SLC1A6: variants seen among roughly 807,000 people sequenced by gnomAD.
The protein encoded by SLC1A6 is solute carrier family 1 member 6, also known as excitatory amino acid transporter 4.
In SLC1A6, 15 loss-of-function variants were observed where a neutral mutation model predicts 42.1. That is an observed-to-expected ratio of 0.36 (90% CI 0.24 to 0.55). The LOEUF is 0.55. Ranked by LOEUF, SLC1A6 falls within the 20% of genes least tolerant of loss-of-function variation. The probability of loss-of-function intolerance (pLI) is 0.88; values close to 1 mark genes in which losing one functional copy is unlikely to be tolerated. For missense variants in SLC1A6, 542 were observed against 772.5 expected, an observed-to-expected ratio of 0.70 and a Z score of 3.54; for synonymous variants, 317 against 319.7, an observed-to-expected ratio of 0.99 and a Z score of 0.09.
chr19:14,993,296 T>A (rs1366241181), intron 1 of SLC1A6, among the ~76,000 whole-genome samples: 1 of 151,866 alleles, frequency 6.6e-6, no homozygotes, highest in East Asian at 1.9e-4. Flanking sequence ...GGGGCAATGG[T>A]GAGTGACTGC....
At chr19:14,953,194 CA>C in intron 8 of SLC1A6, 132 bp from the exon 9 acceptor site, 1 of 685,174 alleles carries the variant, frequency 1.5e-6, no homozygotes, top group South Asian at 2.0e-5. Flanking sequence ...AAGCCAGACA[CA>C]GAGAGAAAAA....
chr19:14,950,538 T>C, intron 9 of SLC1A6, 148 bp from the exon 10 acceptor site: 1 of 498,016 alleles, frequency 2.0e-6, no homozygotes, highest in African/African-American at 2.0e-5. Context: ...AAGCAGGTTC[T>C]TCCCCCTCTC....
chr19:14,962,205 C>A lies in SLC1A6; in HGVS notation c.732G>T (p.Leu244Phe), dbSNP rs773865063. 8.1e-6 allele frequency: 13 copies of A among 1,614,064 alleles called. No homozygotes were observed. Among genetic ancestry groups the A allele is most frequent in the Non-Finnish European group, 1.0e-5 (12 of 1,180,048 alleles). Residue 244 changes from leucine (L) to phenylalanine (F), a missense_variant, in exon 6 of 10, where the codon TTG (leucine) becomes TTT (phenylalanine). Leu to Phe is a conservative substitution (Grantham distance 22, BLOSUM62 0). This residue lies in a region of SLC1A6 where 298 missense variants were observed against 419.4 expected (regional missense o/e 0.71). Transcript: ENST00000594383. Reference protein sequence around the residue: ...TSFLENVTRALGTLQEMLSFE... With the variant: ...TSFLENVTRAFGTLQEMLSFE... ...AGCTCAGCATCTCCTGCAGGGTACC[C>A]AAGGCCCGAGTGACATTTTCCAGGA...
intron 1 of SLC1A6, among the ~76,000 whole-genome samples, chr19:14,996,550 TTCTTCTTCTTGTTCTTCTTCC>T (rs1202294274): frequency 1.4e-5 from 2 of 140,560 alleles, no homozygotes; most frequent in Non-Finnish European, 3.0e-5. Flanking sequence ...CTTCTTCTTC[TTCTTCTTCTTGTTCTTCTTCC>T]TCTTCTTCTT....
chr19:15,010,508 G>A, exon 1 of SLC1A6: 1 of 581,338 alleles, frequency 1.7e-6, no homozygotes, highest in South Asian at 1.5e-5. Flanking sequence ...AGTGTGACCT[G>A]GACAGCTGGA....
intron 1 of SLC1A6, among the ~76,000 whole-genome samples, chr19:14,996,043 G>T (rs1192451758): frequency 6.6e-6 from 1 of 152,066 alleles, no homozygotes; most frequent in Non-Finnish European, 1.5e-5. Flanking sequence ...AGGAAACACG[G>T]TAGAAAAAAT....
At chr19:14,995,361 GAAA>G (rs2045840802) in intron 1 of SLC1A6, among the ~76,000 whole-genome samples, 1 of 123,798 alleles carries the variant, frequency 8.1e-6, no homozygotes, top group South Asian at 2.6e-4. Context: ...AAGAAAGAAA[GAAA>G]GAAAAGGGAA....
chr19:15,001,143 C>A lies in SLC1A6; in HGVS notation c.6+9342G>T, dbSNP rs141431308. ...CACTCAGCGAACAAATATTAAGGGT[C>A]TACTTTGTTCCAGTTTGTTCCCAAA... On this transcript the variant is annotated intron_variant, in intron 1 of 8. Coordinates refer to the SLC1A6 transcript ENST00000430939. Among the ~76,000 whole-genome samples, 1,032 of 148,394 alleles carry A rather than the reference C, an allele frequency of 7.0e-3. 11 individuals are homozygous for A. The highest frequency in any genetic ancestry group is 0.025 in the African/African-American group (987 of 40,214).
At chr19:15,001,555 T>C (rs2045872564) in intron 1 of SLC1A6, among the ~76,000 whole-genome samples, 1 of 152,146 alleles carries the variant, frequency 6.6e-6, no homozygotes, top group Non-Finnish European at 1.5e-5. Flanking sequence ...GGCCAGATGG[T>C]AAGAAATTGG....
At chr19:14,997,554 A>G (rs558951060) in intron 1 of SLC1A6, among the ~76,000 whole-genome samples, 1 of 152,292 alleles carries the variant, frequency 6.6e-6, no homozygotes, top group South Asian at 2.1e-4. Flanking sequence ...ATATTAGAAG[A>G]TGAGCTTCAG....
At chr19:15,003,741 T>C (rs764289472) in intron 1 of SLC1A6, among the ~76,000 whole-genome samples, 13 of 151,976 alleles carry the variant, frequency 8.6e-5, no homozygotes, top group Non-Finnish European at 1.6e-4. Flanking sequence ...ATTCTGCAAT[T>C]TCACTCGATT....
intron 1 of SLC1A6, among the ~76,000 whole-genome samples, chr19:14,989,966 TG>T (rs774479974): frequency 6.6e-6 from 1 of 152,024 alleles, no homozygotes; most frequent in Non-Finnish European, 1.5e-5. Flanking sequence ...CACTCCAGCC[TG>T]GGCAACAGAG....
At chr19:14,956,774 G>A in intron 6 of SLC1A6, 65 bp from the exon 7 acceptor site, 1 of 1,118,366 alleles carries the variant, frequency 8.9e-7, no homozygotes, top group Non-Finnish European at 1.3e-6. Flanking sequence ...TCTGAAGGTG[G>A]CATCCCCAAG....
chr19:14,950,128 T>G lies in SLC1A6; in HGVS notation c.*67A>C. 8.3e-7 allele frequency: 1 copy of G among 1,198,748 alleles called. No individual in the cohort carries two copies. Among genetic ancestry groups the G allele is most frequent in the Non-Finnish European group, 1.1e-6 (1 of 887,098 alleles). 74.3% of individuals were successfully genotyped at this position (1,198,748 alleles called of 1,614,324 possible). A position where few individuals can be genotyped will look rare whatever the true frequency, so the allele number is the denominator to read the frequency against. The stretch of plus-strand genomic sequence containing the variant: ...AGCCCACGGTCAGTTGGGCAACAGA[T>G]GTGTCACCAGGACTCCCCTCCCCAG... On this transcript the variant is annotated 3_prime_UTR_variant, in exon 10 of 10. Transcript: ENST00000594383.
intron 6 of SLC1A6, among the ~76,000 whole-genome samples, chr19:14,960,348 C>T (rs1467238477): frequency 2.0e-5 from 3 of 152,006 alleles, no homozygotes; most frequent in African/African-American, 7.2e-5. Context: ...CAGATGAATC[C>T]ATCAATGATT....
intron 1 of SLC1A6, among the ~76,000 whole-genome samples, chr19:14,989,740 T>G (rs2045809840): frequency 1.2e-5 from 1 of 81,924 alleles, no homozygotes; most frequent in African/African-American, 6.1e-5. Flanking sequence ...TTTGGGAGGC[T>G]GAGTGGGGTG....
chr19:14,982,775 T>C (rs1399254602), upstream of SLC1A6, among the ~76,000 whole-genome samples: 1 of 152,240 alleles, frequency 6.6e-6, no homozygotes, highest in Non-Finnish European at 1.5e-5. Context: ...CAAAGAGCTT[T>C]TCTTTATATA....
At chr19:14,997,209 A>C (rs2045851607) in intron 1 of SLC1A6, among the ~76,000 whole-genome samples, 1 of 152,186 alleles carries the variant, frequency 6.6e-6, no homozygotes, top group African/African-American at 2.4e-5. Flanking sequence ...GAAACTCAAA[A>C]GAATGCAACC....
intron 6 of SLC1A6, among the ~76,000 whole-genome samples, chr19:14,956,912 C>T (rs2045468326): frequency 6.6e-6 from 1 of 152,150 alleles, no homozygotes; most frequent in East Asian, 1.9e-4. Context: ...CCTCCTCCTC[C>T]TGCTCTTCCA....
Sources: allele counts gnomAD v4.1 joint callset (sites outside exome capture counted in the v4.1 genomes callset), GRCh38; gene constraint gnomAD v4.1.1; regional missense constraint gnomAD v4.1.1; transcripts MANE v1.5; gene names NCBI Gene and HGNC (gene_info 2026-07-23, HGNC 2026-07-21).